Variants in P2RY8 observed in about 807,000 individuals in gnomAD.
P2RY8 encodes P2Y receptor family member 8.
In P2RY8, 6 loss-of-function variants were observed where a neutral mutation model predicts 10.0. That is an observed-to-expected ratio of 0.60 (90% confidence interval 0.33 to 1.19). The LOEUF (loss-of-function observed/expected upper bound fraction) is 1.19, where lower values mean the gene tolerates loss of function less well. P2RY8 is among the 50% of genes most tolerant of loss of function. The pLI, the probability that P2RY8 is intolerant of heterozygous loss-of-function variation, is 0.04. For missense variants in P2RY8, 456 were observed against 542.0 expected (o/e 0.84, Z 1.58); for synonymous variants, 276 against 252.5 (o/e 1.09, Z -0.88).
At chrX:1,528,393 T>G (rs2092452432) in intron 1 of P2RY8, among the ~76,000 whole-genome samples, 2 of 152,260 alleles carry the variant, frequency 1.3e-5, no homozygotes, top group Admixed American at 1.3e-4. Context: ...TCAGAGCTAC[T>G]GCTGCACAAC....
chrX:1,499,889 C>G (rs1347209209), intron 1 of P2RY8, among the ~76,000 whole-genome samples: 1 of 151,878 alleles, frequency 6.6e-6, no homozygotes, highest in African/African-American at 2.4e-5. Flanking sequence ...GACGGAGTCT[C>G]GCTCTGTGGC....
intron 1 of P2RY8, among the ~76,000 whole-genome samples, chrX:1,512,994 A>G (rs2092310358): frequency 6.6e-6 from 1 of 151,820 alleles, no homozygotes; most frequent in African/African-American, 2.4e-5. Context: ...TGCATTGGGT[A>G]TTTGTCCTAA....
At chrX:1,507,091 A>G (rs146171009) in intron 1 of P2RY8, among the ~76,000 whole-genome samples, 930 of 74,962 alleles carry the variant, frequency 0.012, 8 homozygotes, top group Non-Finnish European at 0.018. Flanking sequence ...GTCTCAAGGT[A>G]TCAGGTCCCT....
chrX:1,526,788 T>C (rs2149413528), intron 1 of P2RY8, among the ~76,000 whole-genome samples: 1 of 152,366 alleles, frequency 6.6e-6, no homozygotes, highest in African/African-American at 2.4e-5. Context: ...CATTTATCCA[T>C]GTGTTTATTC....
chrX:1,468,334 G>A (rs1221934454), intron 1 of P2RY8, among the ~76,000 whole-genome samples: 7 of 152,310 alleles, frequency 4.6e-5, no homozygotes, highest in African/African-American at 1.4e-4. Context: ...GGCCTCACCC[G>A]GCCACCCTCG....
In P2RY8 at chrX:1,465,420, C is replaced by G; in HGVS notation, c.*59G>C. 1 of 1,538,982 alleles carries G rather than the reference C, an allele frequency of 6.5e-7. No individual in the cohort carries two copies. The highest frequency in any genetic ancestry group is 2.3e-5 in the East Asian group (1 of 44,414). ...CTGAACCTCTGGCACCGTGGCCTCT[C>G]CATGCGCCCCTGGATCTCCAAGCTG... On this transcript the variant is annotated 3_prime_UTR_variant, in exon 2 of 2. Coordinates refer to ENST00000381297, the MANE Select transcript of P2RY8 (RefSeq NM_178129.5).
At chrX:1,512,314 A>C (rs1377626821) in intron 1 of P2RY8, among the ~76,000 whole-genome samples, 1 of 152,038 alleles carries the variant, frequency 6.6e-6, no homozygotes, top group Admixed American at 6.6e-5. Flanking sequence ...TGGGAGGCCG[A>C]GGTGGGTGGA....
intron 1 of P2RY8, among the ~76,000 whole-genome samples, chrX:1,513,200 C>T (rs1242408120): frequency 7.3e-5 from 11 of 151,268 alleles, no homozygotes; most frequent in African/African-American, 2.4e-4. Flanking sequence ...GATATGAACT[C>T]ATCCTTTTTT....
rs867778132 is a variant in P2RY8, at chrX:1,518,425, C to A, written c.-25+18496G>T. On this transcript the variant is annotated intron_variant, in intron 1 of 1. Coordinates refer to ENST00000381297, the MANE Select transcript of P2RY8 (RefSeq NM_178129.5). ...TGGGTGACAGAGCGAGACTCCGTCT[C>A]AAAAAAAAAAAAATAATAATAATAT... Among the ~76,000 whole-genome samples, 516 of 134,404 alleles carry A rather than the reference C, an allele frequency of 3.8e-3. 2 individuals carry two copies. Among genetic ancestry groups the A allele is most frequent in the African/African-American group, 9.8e-3 (359 of 36,686 alleles). The allele number at this position is 134,404 out of a possible 152,430, so 88.2% of individuals were successfully genotyped here.
intron 1 of P2RY8, among the ~76,000 whole-genome samples, chrX:1,516,393 G>T (rs28816190): frequency 0.83 from 119,607 of 144,492 alleles, 49,656 homozygotes; most frequent in East Asian, 0.96. Context: ...GGAGGAACCA[G>T]CCCTGCCCAC....
chrX:1,512,157 C>G (rs1465193738), intron 1 of P2RY8, among the ~76,000 whole-genome samples: 1 of 152,070 alleles, frequency 6.6e-6, no homozygotes, highest in East Asian at 1.9e-4. Context: ...GGTACTTAAA[C>G]AACAGAAATT....
intron 1 of P2RY8, among the ~76,000 whole-genome samples, chrX:1,509,370 TCTATTCTA>T (rs1277407158): frequency 7.1e-6 from 1 of 141,836 alleles, no homozygotes; most frequent in Non-Finnish European, 1.5e-5. Flanking sequence ...CATCCATCCA[TCTATTCTA>T]TCTATCTATC....
At chrX:1,535,184 CTTTTTTTTTT>C (rs539683722) in intron 1 of P2RY8, among the ~76,000 whole-genome samples, 1 of 80,632 alleles carries the variant, frequency 1.2e-5, no homozygotes, top group South Asian at 4.8e-4. Context: ...GGGATAATTC[CTTTTTTTTTT>C]TTTTTTTTTT....
chrX:1,505,614 A>C (rs2092225024), intron 1 of P2RY8, among the ~76,000 whole-genome samples: 1 of 151,938 alleles, frequency 6.6e-6, no homozygotes, highest in Non-Finnish European at 1.5e-5. Flanking sequence ...ACATGGTGAA[A>C]CTCCATCTCT....
intron 1 of P2RY8, among the ~76,000 whole-genome samples, chrX:1,506,103 C>T (rs1487569231): frequency 1.3e-5 from 2 of 150,830 alleles, no homozygotes; most frequent in Non-Finnish European, 2.9e-5. Flanking sequence ...AGTGATTCTC[C>T]TGCCTCAGCC....
At chrX:1,466,660 C>G in intron 1 of P2RY8, 78 bp from the exon 2 acceptor site, 13 of 1,396,496 alleles carry the variant, frequency 9.3e-6, no homozygotes, top group Non-Finnish European at 1.2e-5. Context: ...TCCTGAGCGC[C>G]GCTCCCCGGG....
At chrX:1,535,704 C>CACACACAG (rs2092519399) in intron 1 of P2RY8, among the ~76,000 whole-genome samples, 2 of 147,684 alleles carry the variant, frequency 1.4e-5, no homozygotes, top group African/African-American at 5.0e-5. Flanking sequence ...CACACACACA[C>CACACACAG]ACACACACAC....
intron 1 of P2RY8, among the ~76,000 whole-genome samples, chrX:1,536,266 T>G (rs1227772529): frequency 4.6e-5 from 7 of 151,316 alleles, no homozygotes; most frequent in African/African-American, 1.5e-4. Flanking sequence ...AGTTTTTTTT[T>G]GTTTTTTTTT....
At chrX:1,536,191 T>TGCAGCA (rs2092525096) in intron 1 of P2RY8, among the ~76,000 whole-genome samples, 1 of 152,040 alleles carries the variant, frequency 6.6e-6, no homozygotes, top group Admixed American at 6.6e-5. Flanking sequence ...ATGGGTTACG[T>TGCAGCA]GCAGCAGCCG....
Sources: allele counts gnomAD v4.1 joint callset (sites outside exome capture counted in the v4.1 genomes callset), GRCh38; gene constraint gnomAD v4.1.1; transcripts MANE v1.5; gene names NCBI Gene and HGNC (gene_info 2026-07-23, HGNC 2026-07-21).